Variants in CLIC2 observed in about 807,000 individuals in gnomAD.
CLIC2 encodes the protein CLIC family member 2.
In CLIC2, 9 loss-of-function variants were observed where a neutral mutation model predicts 14.8. The observed-to-expected ratio is 0.61, with a 90% CI of 0.37 to 1.06. CLIC2 has a LOEUF of 1.06. CLIC2 is among the 50% of genes least tolerant of loss of function. The probability of loss-of-function intolerance (pLI) is 0.01; values close to 1 mark genes in which losing one functional copy is unlikely to be tolerated. For missense variants in CLIC2, 148 were observed against 181.4 expected (o/e 0.82, Z 1.06); for synonymous variants, 61 against 66.3 (o/e 0.92, Z 0.39).
intron 3 of CLIC2, among the ~76,000 whole-genome samples, chrX:155,289,934 G>A (rs2074957220): frequency 8.9e-6 from 1 of 112,283 alleles, no homozygotes; most frequent in African/African-American, 3.2e-5. Context: ...GGCACACTAA[G>A]TTTCCAGCTT....
chrX:155,328,699 C>G (rs1450812243), intron 1 of CLIC2, among the ~76,000 whole-genome samples: 1 of 110,306 alleles, frequency 9.1e-6, no homozygotes, highest in Non-Finnish European at 1.9e-5. Flanking sequence ...AAAGCTATCT[C>G]CTAAGCAATA....
At chrX:155,281,000 T>TATAC (rs1387785467) in intron 3 of CLIC2, among the ~76,000 whole-genome samples, 5 of 103,996 alleles carry the variant, frequency 4.8e-5, no homozygotes, top group Non-Finnish European at 9.8e-5. Context: ...GATATATATA[T>TATAC]ATATATATAT....
At chrX:155,326,137 CA>C (rs1455691567) in intron 1 of CLIC2, among the ~76,000 whole-genome samples, 1 of 109,423 alleles carries the variant, frequency 9.1e-6, no homozygotes, top group African/African-American at 3.3e-5. Flanking sequence ...TTCATGTAAC[CA>C]AACTTCACCT....
chrX:155,279,829 G>A, intron 4 of CLIC2, 133 bp downstream of exon 4: 4 of 478,751 alleles, frequency 8.4e-6, no homozygotes, highest in Non-Finnish European at 1.5e-5. Flanking sequence ...GAATTTCAGA[G>A]GAGAGTATAG....
chrX:155,317,386 T>TA (rs2075098790), intron 1 of CLIC2, among the ~76,000 whole-genome samples: 1 of 111,748 alleles, frequency 8.9e-6, no homozygotes, highest in African/African-American at 3.2e-5. Context: ...TTACTACTGA[T>TA]ACGACAGAAA....
chrX:155,290,962 G>A lies in CLIC2; in HGVS notation c.293+7823C>T, dbSNP rs112508392. 7.7e-5 allele frequency: 55 copies of A among 718,045 alleles called. 2 individuals carry two copies. The highest frequency in any genetic ancestry group is 6.3e-4 in the African/African-American group (30 of 47,648). The allele number at this position is 718,045 out of a possible 1,213,427, so 59.2% of individuals were successfully genotyped here. On this transcript the variant is annotated intron_variant, in intron 3 of 5. Transcript: ENST00000369449. ...AGTGGGGCAGGGGAAGATTGTGAGA[G>A]CAAACATTTTTTATATCCATGTAAT...
At chrX:155,278,672 C>T (rs781812985) in intron 5 of CLIC2, 26 of 117,683 alleles carry the variant, frequency 2.2e-4, no homozygotes, top group South Asian at 3.3e-4. Flanking sequence ...CGGTGGCTCA[C>T]GCCTGTAATC....
chrX:155,301,579 C>T (rs1314257520), intron 1 of CLIC2, among the ~76,000 whole-genome samples: 11 of 82,530 alleles, frequency 1.3e-4, no homozygotes, highest in African/African-American at 4.5e-4. Context: ...TTTACTTCTC[C>T]TGCCTAATTG....
At chrX:155,315,654 C>A (rs1192789831) in intron 1 of CLIC2, among the ~76,000 whole-genome samples, 1 of 110,762 alleles carries the variant, frequency 9.0e-6, no homozygotes, top group Admixed American at 9.7e-5. Context: ...AAAATGGAAC[C>A]TACTTAAAGC....
In CLIC2 at chrX:155,298,808, T is replaced by G. The variant is rs1474073719; in HGVS notation, c.270A>C (p.Leu90Phe). Reference protein sequence around the residue: ...KTDFIKIEEFLEQTLAPPRYP... With the variant: ...KTDFIKIEEFFEQTLAPPRYP... Reference sequence around the variant, plus strand: ...ACCTTGGAGGAGCCAGGGTTTGTTCTAAAAACTCCTCAATTTTAATGAAGT... The same window carrying G: ...ACCTTGGAGGAGCCAGGGTTTGTTCGAAAAACTCCTCAATTTTAATGAAGT... The change falls in exon 3 of 6, where the codon TTA becomes TTC. Residue 90 changes from leucine (L) to phenylalanine (F), a missense_variant. Physicochemically the swap from Leu to Phe is conservative, Grantham distance 22. Transcript: ENST00000369449. 1 of 1,208,282 alleles carries G rather than the reference T, an allele frequency of 8.3e-7. No homozygotes were observed. The highest frequency in any genetic ancestry group is 1.8e-5 in the African/African-American group (1 of 57,062).
intron 3 of CLIC2, among the ~76,000 whole-genome samples, chrX:155,287,215 G>T (rs1456188579): frequency 4.5e-5 from 5 of 112,261 alleles, no homozygotes; most frequent in Non-Finnish European, 7.5e-5. Flanking sequence ...TGAACAGGGA[G>T]TGCTTTCCCC....
chrX:155,305,488 G>T (rs1193463397), intron 1 of CLIC2, among the ~76,000 whole-genome samples: 3 of 112,067 alleles, frequency 2.7e-5, no homozygotes, highest in African/African-American at 3.2e-5. Context: ...ACTCCCTAGT[G>T]AGATGAACCC....
intron 1 of CLIC2, chrX:155,309,424 A>AC (rs2075066469): frequency 7.8e-6 from 1 of 128,790 alleles, no homozygotes; most frequent in Non-Finnish European, 1.6e-5. Context: ...TGATACCAAA[A>AC]CCAAAGACAC....
intron 1 of CLIC2, among the ~76,000 whole-genome samples, chrX:155,327,711 C>T (rs1470149085): frequency 1.8e-5 from 2 of 110,855 alleles, no homozygotes; most frequent in African/African-American, 6.5e-5. Flanking sequence ...ATAATTTGTA[C>T]AACAAACACC....
chrX:155,285,517 A>C (rs2074938639), intron 3 of CLIC2, among the ~76,000 whole-genome samples: 1 of 112,060 alleles, frequency 8.9e-6, no homozygotes, highest in African/African-American at 3.2e-5. Flanking sequence ...ACTATGGCAG[A>C]TAACACACTT....
At chrX:155,331,120 T>C (rs2075155310) in intron 1 of CLIC2, among the ~76,000 whole-genome samples, 1 of 110,404 alleles carries the variant, frequency 9.1e-6, no homozygotes. Context: ...TGTTTTGTAA[T>C]AGAAGTCAGA....
intron 1 of CLIC2, among the ~76,000 whole-genome samples, chrX:155,325,568 T>G (rs917390239): frequency 2.8e-5 from 3 of 106,603 alleles, no homozygotes; most frequent in Non-Finnish European, 5.8e-5. Context: ...TGAGAACACA[T>G]GGAACACTGG....
intron 3 of CLIC2, among the ~76,000 whole-genome samples, chrX:155,291,910 C>T (rs996231758): frequency 1.2e-4 from 14 of 112,088 alleles, no homozygotes; most frequent in South Asian, 7.4e-4. Context: ...CTGCCGCCGC[C>T]GCAGGACCTT....
chrX:155,290,250 T>C (rs1557317457), intron 3 of CLIC2: 1 of 173,091 alleles, frequency 5.8e-6, no homozygotes, highest in African/African-American at 3.0e-5. Context: ...TTCCAAAAAG[T>C]ACAATTTTTT....
Sources: allele counts gnomAD v4.1 joint callset (sites outside exome capture counted in the v4.1 genomes callset), GRCh38; gene constraint gnomAD v4.1.1; transcripts MANE v1.5; gene names NCBI Gene and HGNC (gene_info 2026-07-23, HGNC 2026-07-21).